The following NKX2-2 variants were observed in gnomAD, a reference collection of about 807,000 sequenced individuals.
The protein encoded by NKX2-2 is NK2 homeobox 2.
NKX2-2 carries 8 observed loss-of-function variants against 24.6 expected under a neutral mutation model. The observed-to-expected ratio is 0.32, with a 90% CI of 0.19 to 0.59. The LOEUF (loss-of-function observed/expected upper bound fraction) is 0.59. Ranked by LOEUF, NKX2-2 falls within the 20% of genes least tolerant of loss-of-function variation. The pLI is 0.86. For missense variants in NKX2-2, 381 were observed against 373.9 expected (o/e 1.02, Z -0.16); for synonymous variants, 217 against 173.3 (o/e 1.25, Z -1.98).
chr20:21,516,371 G>A (rs1435790764), upstream of NKX2-2, among the ~76,000 whole-genome samples: 1 of 145,082 alleles, frequency 6.9e-6, no homozygotes. Flanking sequence ...CGTCTTCCTC[G>A]AACCCATTAC....
In NKX2-2 at chr20:21,512,066, T is replaced by A. The variant is rs1336100136; in HGVS notation, c.679A>T (p.Thr227Ser). The change falls in exon 2 of 2, where the codon ACC (threonine) becomes TCC (serine). Residue 227 changes from threonine to serine, a missense_variant. Physicochemically the swap from Thr to Ser is moderately conservative, Grantham distance 58. Transcript: ENST00000377142. The stretch of plus-strand genomic sequence containing the variant: ...GAAAAGGGAATGCCCGCCTGGAAGG[T>A]GGCGGCTGCCAGGTCCTGGGCTTTG... ...ALKAQDLAAA[T>S]FQAGIPFSAY... 1 of 1,613,626 alleles carries A rather than the reference T, an allele frequency of 6.2e-7. No homozygotes were observed. Among genetic ancestry groups the A allele is most frequent in the African/African-American group, 1.3e-5 (1 of 74,924 alleles).
chr20:21,511,602 A>T lies in NKX2-2; in HGVS notation c.*321T>A, dbSNP rs1034089130. The T allele has an allele frequency of 4.4e-5, 11 of 247,528 alleles. No individual in the cohort carries two copies. Among genetic ancestry groups the T allele is most frequent in the African/African-American group, 2.2e-5 (1 of 44,836 alleles). 15.3% of individuals were successfully genotyped at this position (247,528 alleles called of 1,614,324 possible). On this transcript the variant is annotated 3_prime_UTR_variant, in exon 2 of 2. Coordinates refer to ENST00000377142, the MANE Select transcript of NKX2-2 (RefSeq NM_002509.4). ...TTTCTCGTTTTCAAGTGACGACATT[A>T]ACGCTGGGACGGTTTGGTCCCCCCG...
rs1600261210 is a variant in NKX2-2 at position 21,513,319 on chromosome 20, C to T, written c.259+92G>A. ...AGTGAGGGGGTCCGGGCTTACATGG[C>T]CCCTTCCCCTTTCACTCCCAGCGTC... is the stretch of plus-strand genomic sequence containing the variant. On this transcript the variant is annotated intron_variant, in intron 1 of 1. Transcript: ENST00000377142. The surrounding 1 kb of genome is among the most constrained non-coding windows in gnomAD (Gnocchi z 4.6). The T allele has an allele frequency of 2.2e-6, 3 of 1,373,004 alleles. No individual in the cohort carries two copies. The highest frequency in any genetic ancestry group is 2.9e-6 in the Non-Finnish European group (3 of 1,027,988). The allele number at this position is 1,373,004 out of a possible 1,614,324, so 85.1% of individuals were successfully genotyped here. A position where few individuals can be genotyped will look rare whatever the true frequency, so the allele number is the denominator to read the frequency against.
At chr20:21,514,554 G>GA (rs770687183), upstream of NKX2-2, among the ~76,000 whole-genome samples, 4 of 152,116 alleles carry the variant, frequency 2.6e-5, no homozygotes, top group Admixed American at 6.5e-5. Flanking sequence ...CAGGAGGAGG[G>GA]AAAAAATCCT....
In NKX2-2 at chr20:21,512,252, T is replaced by C. The variant is rs769568607; in HGVS notation, c.493A>G (p.Ile165Val). 1 of 1,613,934 alleles carries C rather than the reference T, an allele frequency of 6.2e-7. No homozygotes were observed. The highest frequency in any genetic ancestry group is 1.1e-5 in the South Asian group (1 of 91,076). ...APEREHLASL[I>V]RLTPTQVKIW... is the part of the protein sequence containing the mutation. ...TTGACCTGCGTGGGCGTGAGGCGGA[T>C]GAGGCTGGCCAGGTGTTCGCGCTCG... The change falls in exon 2 of 2, where the codon ATC becomes GTC. Residue 165 changes from isoleucine (I) to valine (V), a missense_variant. Ile to Val is a conservative substitution (Grantham distance 29, BLOSUM62 3). Around this residue, in one of 3 missense-constraint regions of NKX2-2, gnomAD observed 36 missense variants for 79.2 expected, o/e 0.45. Coordinates refer to ENST00000377142, the MANE Select transcript of NKX2-2 (RefSeq NM_002509.4).
the NKX2-2 span, among the ~76,000 whole-genome samples, chr20:21,521,723 C>G: frequency 6.6e-6 from 1 of 152,222 alleles, no homozygotes; most frequent in African/African-American, 2.4e-5. Flanking sequence ...CAGCGGCCGC[C>G]CCTTCCTCAC....
At chr20:21,512,907 T>C (rs1980495489) in intron 1 of NKX2-2, among the ~76,000 whole-genome samples, 1 of 152,180 alleles carries the variant, frequency 6.6e-6, no homozygotes, top group Admixed American at 6.5e-5. Flanking sequence ...GGGGCTTTCG[T>C]TTCTGCTTTC....
the NKX2-2 span, among the ~76,000 whole-genome samples, chr20:21,522,201 G>C: frequency 6.6e-6 from 1 of 152,230 alleles, no homozygotes; most frequent in Non-Finnish European, 1.5e-5. Context: ...TCGGAGGCCC[G>C]CACTTGCCCA....
chr20:21,518,089 G>T (rs1030156531), upstream of NKX2-2, among the ~76,000 whole-genome samples: 1 of 152,230 alleles, frequency 6.6e-6, no homozygotes, highest in Non-Finnish European at 1.5e-5. Flanking sequence ...CTCAGCTGCC[G>T]TGGTCTGGAG....
chr20:21,522,687 G>A, the NKX2-2 span, among the ~76,000 whole-genome samples: 1 of 151,508 alleles, frequency 6.6e-6, no homozygotes, highest in Non-Finnish European at 1.5e-5. Context: ...CGACGCGGCC[G>A]GCGAGCGCTC....
At chr20:21,512,584 C>T (rs1568637169) in intron 1 of NKX2-2, 99 bp from the exon 2 acceptor site, 3 of 930,212 alleles carry the variant, frequency 3.2e-6, no homozygotes, top group South Asian at 1.7e-5. Context: ...CGACCCTGGA[C>T]CTCCGCGCCT....
At position 21,511,363 on chromosome 20, in the gene NKX2-2, T is replaced by C. The variant is rs1980420862; in HGVS notation, c.*560A>G. On this transcript the variant is annotated 3_prime_UTR_variant, in exon 2 of 2. Coordinates refer to ENST00000377142, the MANE Select transcript of NKX2-2 (RefSeq NM_002509.4). ...TCATTTTGGCAACAATCACCACCGA[T>C]ATTTACAACGAAAAGCGAAATCTGC... 3 of 152,548 alleles carry C rather than the reference T, an allele frequency of 2.0e-5. No individual in the cohort carries two copies. In the South Asian group the frequency reaches 6.2e-4, roughly 32 times the overall value. 9.4% of individuals were successfully genotyped at this position (152,548 alleles called of 1,614,324 possible). A position where few individuals can be genotyped will look rare whatever the true frequency, so the allele number is the denominator to read the frequency against.
In NKX2-2 at chr20:21,513,452, T is replaced by A; in HGVS notation, c.218A>T (p.Tyr73Phe). Residue 73 changes from tyrosine (Y) to phenylalanine (F), a missense_variant, in exon 1 of 2, where the codon TAC (tyrosine) becomes TTC (phenylalanine). Tyr to Phe is a conservative substitution (Grantham distance 22). Transcript: ENST00000377142. This position sits in a 1 kb window ranked among gnomAD's most constrained non-coding sequence, Gnocchi z 4.6. ...CTCGGTGCTGGCCAGCCAGCGCGTG[T>A]ACGGGTTGTCGCTGCTGTCGTAGAA... Reference protein sequence around the residue: ...NPFYDSSDNPYTRWLASTEGL... With the variant: ...NPFYDSSDNPFTRWLASTEGL... The A allele has an allele frequency of 6.2e-7, 1 of 1,601,566 alleles. No individual in the cohort carries two copies. Among genetic ancestry groups the A allele is most frequent in the Non-Finnish European group, 8.5e-7 (1 of 1,174,112 alleles).
upstream of NKX2-2, among the ~76,000 whole-genome samples, chr20:21,515,423 G>A (rs1179639926): frequency 6.6e-6 from 1 of 152,102 alleles, no homozygotes; most frequent in Non-Finnish European, 1.5e-5. Flanking sequence ...GACGCCTTGG[G>A]TGCGTTCGGA....
the NKX2-2 span, among the ~76,000 whole-genome samples, chr20:21,519,067 G>C: frequency 2.7e-4 from 41 of 152,286 alleles, no homozygotes; most frequent in Middle Eastern, 3.4e-3. Flanking sequence ...GGGCGACCTT[G>C]AGGAGCCCAA....
chr20:21,514,468 A>T (rs1568638232), upstream of NKX2-2, among the ~76,000 whole-genome samples: 1 of 151,246 alleles, frequency 6.6e-6, no homozygotes, highest in Non-Finnish European at 1.5e-5. Flanking sequence ...CACACACTTG[A>T]AAGGGCCGTT....
At position 21,511,326 on chromosome 20, in the gene NKX2-2, C is replaced by T. The variant is rs1043953422; in HGVS notation, c.*597G>A. The stretch of plus-strand genomic sequence containing the variant: ...AGTTGGACCCAGACGGGAAACAGGC[C>T]GGTCCTGAAGGTCATTTTGGCAACA... On this transcript the variant is annotated 3_prime_UTR_variant, in exon 2 of 2. Transcript: ENST00000377142. 1 of 152,518 alleles carries T rather than the reference C, an allele frequency of 6.6e-6. No homozygotes were observed. The highest frequency in any genetic ancestry group is 1.5e-5 in the Non-Finnish European group (1 of 68,034). The allele number at this position is 152,518 out of a possible 1,614,324, so 9.4% of individuals were successfully genotyped here.
At chr20:21,514,973 C>A (rs1215244940), upstream of NKX2-2, among the ~76,000 whole-genome samples, 2 of 151,914 alleles carry the variant, frequency 1.3e-5, no homozygotes, top group African/African-American at 4.8e-5. Flanking sequence ...CCCCCACCTC[C>A]CACCCCCAAC....
chr20:21,516,785 A>G (rs1019320564), upstream of NKX2-2, among the ~76,000 whole-genome samples: 1 of 152,100 alleles, frequency 6.6e-6, no homozygotes, highest in African/African-American at 2.4e-5. Context: ...CTTTGGCAGC[A>G]AGTGTCGTTT....
Sources: allele counts gnomAD v4.1 joint callset (sites outside exome capture counted in the v4.1 genomes callset), GRCh38; gene constraint gnomAD v4.1.1; regional missense constraint gnomAD v4.1.1; non-coding constraint Gnocchi (gnomAD v3.1); transcripts MANE v1.5; gene names NCBI Gene and HGNC (gene_info 2026-07-23, HGNC 2026-07-21).